Variants in MAST3 observed in about 807,000 individuals in gnomAD.
MAST3 encodes the protein microtubule-associated serine/threonine-protein kinase 3.
Under a neutral mutation model 127.0 loss-of-function variants are expected in MAST3, and 43 were observed. The ratio of observed to expected loss-of-function variants is 0.34; its 90% confidence interval spans 0.27 to 0.44. The LOEUF is 0.44. Among genes scored for constraint, MAST3 ranks in the 20% least tolerant of loss-of-function variants. The probability of loss-of-function intolerance (pLI) is 1.00; values close to 1 mark genes in which losing one functional copy is unlikely to be tolerated. For missense variants in MAST3, 1,390 were observed against 1,919.1 expected (o/e 0.72, Z 5.15); for synonymous variants, 785 against 809.2 (o/e 0.97, Z 0.51).
chr19:18,122,060 T>C lies in MAST3; in HGVS notation c.320+138T>C, dbSNP rs2040045889. 3 of 1,475,512 alleles carry C rather than the reference T, an allele frequency of 2.0e-6. No homozygotes were observed. The East Asian group carries it at 7.5e-5, about 37-fold the overall frequency. The allele number at this position is 1,475,512 out of a possible 1,614,324, so 91.4% of individuals were successfully genotyped here. ...CCTCCCCTGGCCCGTCTGGTGGTGG[T>C]CTCCCCCTCTGGCTCCCATTCCCGG... On this transcript the variant is annotated intron_variant, in intron 5 of 27. Transcript: ENST00000687212.
chr19:18,108,249 C>T (rs2038217498), intron 2 of MAST3, among the ~76,000 whole-genome samples: 1 of 151,808 alleles, frequency 6.6e-6, no homozygotes, highest in African/African-American at 2.4e-5. Context: ...AGGCTCCCAC[C>T]ACCAGACTTC....
At position 18,150,084 on chromosome 19, in the gene MAST3, T is replaced by C. The variant is rs1475887163; in HGVS notation, c.*358T>C. 4.3e-6 allele frequency: 1 copy of C among 233,254 alleles called. No individual in the cohort carries two copies. The highest frequency in any genetic ancestry group is 2.4e-5 in the African/African-American group (1 of 41,662). 14.4% of individuals were successfully genotyped at this position (233,254 alleles called of 1,614,324 possible). On this transcript the variant is annotated 3_prime_UTR_variant, in exon 28 of 28. Coordinates refer to ENST00000687212, the MANE Select transcript of MAST3 (RefSeq NM_001393504.1). ...TCACTGCAACCTCCGCCTCCCAAGT[T>C]CAAGCGATTGTCCTGCCTCAGCTTC...
intron 3 of MAST3, 28 bp from the exon 4 acceptor site, chr19:18,121,657 C>A (rs761673079): frequency 1.2e-6 from 2 of 1,605,808 alleles, no homozygotes; most frequent in Non-Finnish European, 8.5e-7. Context: ...TGGGCAGCCA[C>A]CTACCCTGTC....
At chr19:18,146,670 C>T (rs1367813561) in intron 25 of MAST3, among the ~76,000 whole-genome samples, 3 of 152,092 alleles carry the variant, frequency 2.0e-5, no homozygotes, top group Non-Finnish European at 2.9e-5. Context: ...CGGCGTTGAC[C>T]GCAGAGGGAA....
intron 3 of MAST3, among the ~76,000 whole-genome samples, chr19:18,121,107 C>T (rs1205876978): frequency 6.6e-6 from 1 of 152,118 alleles, no homozygotes; most frequent in African/African-American, 2.4e-5. Context: ...CCGCATGCCT[C>T]GGCCTCCCAA....
chr19:18,147,300 G>A (rs1225279316), intron 26 of MAST3, 143 bp from the exon 27 acceptor site: 20 of 766,510 alleles, frequency 2.6e-5, no homozygotes, highest in East Asian at 2.2e-4. Context: ...ACAGGGTTTC[G>A]CCATGTTGGC....
At chr19:18,111,472 G>A (rs951647189) in intron 3 of MAST3, among the ~76,000 whole-genome samples, 3 of 150,028 alleles carry the variant, frequency 2.0e-5, no homozygotes, top group Non-Finnish European at 4.4e-5. Context: ...TTAGAGTTAT[G>A]TGGCCCATCA....
At chr19:18,108,232 G>A (rs1050113873) in intron 2 of MAST3, among the ~76,000 whole-genome samples, 2 of 151,978 alleles carry the variant, frequency 1.3e-5, no homozygotes, top group South Asian at 2.1e-4. Flanking sequence ...GAAGATTGCA[G>A]TGAACCAGGC....
At chr19:18,102,928 G>C (rs574325871) in intron 1 of MAST3, among the ~76,000 whole-genome samples, 8 of 152,284 alleles carry the variant, frequency 5.3e-5, no homozygotes, top group African/African-American at 1.9e-4. Flanking sequence ...CTCCAAAATG[G>C]GATTTCCTCA....
At position 18,149,899 on chromosome 19, in the gene MAST3, C is replaced by G. The variant is rs1464315252; in HGVS notation, c.*173C>G. The G allele has an allele frequency of 5.7e-6, 5 of 877,534 alleles. No individual in the cohort carries two copies. The highest frequency in any genetic ancestry group is 3.0e-5 in the East Asian group (1 of 33,812). The allele number at this position is 877,534 out of a possible 1,614,324, so 54.4% of individuals were successfully genotyped here. A position where few individuals can be genotyped will look rare whatever the true frequency, so the allele number is the denominator to read the frequency against. ...ACATCGCTTGTGTTCTGGTGTCAAT[C>G]GGGGCTGGATGGGGCAAGAATGGGG... On this transcript the variant is annotated 3_prime_UTR_variant, in exon 28 of 28. Transcript: ENST00000687212. This position sits in a 1 kb window ranked among gnomAD's most constrained non-coding sequence, Gnocchi z 5.9.
In MAST3 at chr19:18,110,772, G is replaced by A; in HGVS notation, c.161+31G>A. 1.0e-6 allele frequency: 1 copy of A among 954,608 alleles called. No individual in the cohort carries two copies. The highest frequency in any genetic ancestry group is 1.2e-6 in the Non-Finnish European group (1 of 801,476). 59.1% of individuals were successfully genotyped at this position (954,608 alleles called of 1,614,324 possible). A position where few individuals can be genotyped will look rare whatever the true frequency, so the allele number is the denominator to read the frequency against. On this transcript the variant is annotated intron_variant, in intron 3 of 27. Transcript: ENST00000687212. This position sits in a 1 kb window ranked among gnomAD's most constrained non-coding sequence, Gnocchi z 4.3. ...TGACAGCGCGTGTGGGCGGGGCGCA[G>A]ACATCGCCCTGGCACCCCAGAGCCT...
intron 3 of MAST3, among the ~76,000 whole-genome samples, chr19:18,113,343 G>A (rs2038866478): frequency 6.6e-6 from 1 of 151,980 alleles, no homozygotes; most frequent in Non-Finnish European, 1.5e-5. Flanking sequence ...GGGGTGCAGT[G>A]GTGTGATCTC....
chr19:18,122,328 G>C (rs888120553), intron 5 of MAST3, among the ~76,000 whole-genome samples: 1 of 151,990 alleles, frequency 6.6e-6, no homozygotes, highest in African/African-American at 2.4e-5. Context: ...TCTGTGCTGC[G>C]GGCTGAGGGC....
rs375649723 is a variant in MAST3 at position 18,143,434 on chromosome 19, A to G, written c.2340-329A>G. 3.3e-5 allele frequency among the ~76,000 whole-genome samples: 5 copies of G among 151,948 alleles called. No homozygotes were observed. The East Asian group carries it at 9.7e-4, about 30-fold the overall frequency. On this transcript the variant is annotated intron_variant, in intron 21 of 27. Transcript: ENST00000687212. ...CTACTAAAAATACAAAAATTAGCCC[A>G]GTGTGGCGGCAGGCACCCATAATCC... is the stretch of plus-strand genomic sequence containing the variant.
At chr19:18,107,490 TG>T (rs1410657888) in intron 1 of MAST3, 96 bp from the exon 2 acceptor site, 2 of 1,215,154 alleles carry the variant, frequency 1.6e-6, no homozygotes, top group Non-Finnish European at 2.4e-6. Context: ...ATGCATTGGT[TG>T]GGGCATGGGA....
intron 3 of MAST3, among the ~76,000 whole-genome samples, chr19:18,117,824 C>T (rs548033576): frequency 6.6e-6 from 1 of 151,796 alleles, no homozygotes; most frequent in Non-Finnish European, 1.5e-5. Context: ...GTAGCAACGC[C>T]CGGCCTCAGC....
At chr19:18,148,662 G>C (rs1433208881) in intron 27 of MAST3, among the ~76,000 whole-genome samples, 1 of 151,820 alleles carries the variant, frequency 6.6e-6, no homozygotes, top group Non-Finnish European at 1.5e-5. Flanking sequence ...CAGCACTTTG[G>C]GAGGCCAAAG....
chr19:18,137,777 ACTCT>A (rs748083186), intron 19 of MAST3, among the ~76,000 whole-genome samples: 2 of 149,986 alleles, frequency 1.3e-5, no homozygotes, highest in East Asian at 2.0e-4. Context: ...CTGAGGAATG[ACTCT>A]CTCTCTCCCC....
chr19:18,103,874 A>C (rs1018619403), intron 1 of MAST3, among the ~76,000 whole-genome samples: 15 of 152,074 alleles, frequency 9.9e-5, no homozygotes, highest in Middle Eastern at 6.8e-3. Flanking sequence ...CCAGGGTTCA[A>C]ATCCCTCCCT....
Sources: gnomAD v4.1 joint callset for allele counts (sites outside exome capture counted in the v4.1 genomes callset) on GRCh38, gnomAD v4.1.1 for gene constraint, Gnocchi (gnomAD v3.1) non-coding constraint, MANE v1.5 for transcripts, NCBI Gene and HGNC (gene_info 2026-07-23, HGNC 2026-07-21) for gene names.